The following EIF4G3 variants were observed in gnomAD, a reference collection of about 807,000 sequenced individuals.
The protein encoded by EIF4G3 is eIF-4-gamma 3.
Under a neutral mutation model 186.4 loss-of-function variants are expected in EIF4G3, and 34 were observed. The observed-to-expected ratio is 0.18, with a 90% CI of 0.14 to 0.24. EIF4G3 has a LOEUF of 0.24. Ranked by LOEUF, EIF4G3 falls within the 10% of genes least tolerant of loss-of-function variation. The pLI, the probability that EIF4G3 is intolerant of heterozygous loss-of-function variation, is 1.00. For synonymous variants in EIF4G3, 673 were observed against 679.5 expected (o/e 0.99, Z 0.15); for missense variants, 1,536 against 1,948.5 (o/e 0.79, Z 3.99).
At chr1:20,947,262 TGAGCCTGGGA>T (rs765078612) in intron 13 of EIF4G3, among the ~76,000 whole-genome samples, 27 of 151,920 alleles carry the variant, frequency 1.8e-4, no homozygotes, top group Non-Finnish European at 3.8e-4. Context: ...GAGGACTGCT[TGAGCCTGGGA>T]GGTGGAGGCT....
intron 7 of EIF4G3, among the ~76,000 whole-genome samples, chr1:20,997,299 T>C (rs977841097): frequency 2.0e-5 from 3 of 151,914 alleles, no homozygotes; most frequent in African/African-American, 4.8e-5. Context: ...ATCCACAAAA[T>C]CTATAAACAC....
intron 12 of EIF4G3, among the ~76,000 whole-genome samples, chr1:20,958,757 G>A (rs1320008592): frequency 2.0e-5 from 3 of 151,972 alleles, no homozygotes; most frequent in East Asian, 1.9e-4. Context: ...CACCAACAAC[G>A]ACCAAGCTGA....
intron 6 of EIF4G3, 85 bp from the exon 7 acceptor site, chr1:20,997,718 ATGCC>A: frequency 9.1e-7 from 1 of 1,103,282 alleles, no homozygotes; most frequent in Non-Finnish European, 1.3e-6. Context: ...TTCACACAAT[ATGCC>A]AAAAGAAAAA....
intron 3 of EIF4G3, among the ~76,000 whole-genome samples, chr1:21,053,930 G>A (rs1309963226): frequency 6.6e-6 from 1 of 152,002 alleles, no homozygotes; most frequent in Admixed American, 6.5e-5. Context: ...TGGGAAGTGA[G>A]GAGCCCCTCT....
chr1:21,003,668 C>T (rs1031726302), intron 4 of EIF4G3: 6 of 362,446 alleles, frequency 1.7e-5, no homozygotes, highest in African/African-American at 1.1e-4. Context: ...GATTATTCTG[C>T]CATTTTTTTT....
At chr1:20,955,464 G>A (rs563646769) in intron 12 of EIF4G3, among the ~76,000 whole-genome samples, 20 of 151,966 alleles carry the variant, frequency 1.3e-4, no homozygotes, top group African/African-American at 4.6e-4. Context: ...TGAACTCCTG[G>A]GCTCAAGTAA....
chr1:20,811,310 G>A (rs750498421), intron 35 of EIF4G3, among the ~76,000 whole-genome samples: 2 of 151,942 alleles, frequency 1.3e-5, no homozygotes, highest in East Asian at 1.9e-4. Context: ...ACAGGGTCTC[G>A]CTATATTGCC....
chr1:20,981,778 T>TACATACATATATGTATACAC (rs2078333782), intron 8 of EIF4G3, among the ~76,000 whole-genome samples: 1 of 151,460 alleles, frequency 6.6e-6, no homozygotes, highest in Non-Finnish European at 1.5e-5. Context: ...ACTGTATATA[T>TACATACATATATGTATACAC]ACATACATAT....
intron 14 of EIF4G3, chr1:20,941,097 T>C (rs1300564212): frequency 2.3e-6 from 2 of 887,834 alleles, no homozygotes; most frequent in African/African-American, 3.4e-5. Context: ...ATTGACTGGG[T>C]TTTAAAATTC....
chr1:21,134,115 GA>G (rs2102549619), intron 2 of EIF4G3, among the ~76,000 whole-genome samples: 1 of 152,180 alleles, frequency 6.6e-6, no homozygotes, highest in African/African-American at 2.4e-5. Flanking sequence ...CCCTTTATAA[GA>G]TTAAAATCTT....
At chr1:21,163,829 T>C (rs552359709) in intron 2 of EIF4G3, among the ~76,000 whole-genome samples, 4 of 152,326 alleles carry the variant, frequency 2.6e-5, no homozygotes, top group African/African-American at 7.2e-5. Flanking sequence ...TGGAGTACAG[T>C]GGCGTGATCT....
intron 2 of EIF4G3, among the ~76,000 whole-genome samples, chr1:21,094,963 C>T (rs2101589116): frequency 6.6e-6 from 1 of 152,164 alleles, no homozygotes; most frequent in East Asian, 1.9e-4. Flanking sequence ...GGCAATTCTT[C>T]CTTTGCTCTC....
chr1:20,997,396 T>C (rs1200614888), intron 7 of EIF4G3, among the ~76,000 whole-genome samples: 2 of 152,000 alleles, frequency 1.3e-5, no homozygotes, highest in African/African-American at 4.8e-5. Context: ...AAATGTGCCA[T>C]AAACAGAGGC....
intron 12 of EIF4G3, among the ~76,000 whole-genome samples, chr1:20,960,438 C>G (rs550320095): frequency 6.6e-6 from 1 of 152,030 alleles, no homozygotes; most frequent in Non-Finnish European, 1.5e-5. Context: ...TGAACTCTAG[C>G]CTGGGCAACA....
At chr1:21,123,591 A>G (rs1210821714) in intron 2 of EIF4G3, among the ~76,000 whole-genome samples, 1 of 152,020 alleles carries the variant, frequency 6.6e-6, no homozygotes, top group African/African-American at 2.4e-5. Flanking sequence ...AGAAAAAAAA[A>G]GTATTAATAG....
intron 23 of EIF4G3, among the ~76,000 whole-genome samples, 187 bp downstream of exon 23, chr1:20,862,041 C>A (rs1028671966): frequency 2.0e-5 from 3 of 152,044 alleles, no homozygotes; most frequent in African/African-American, 4.8e-5. Flanking sequence ...AGAAGAAGCA[C>A]GTAACTGGCA....
chr1:21,122,801 T>C (rs578003387), intron 2 of EIF4G3, among the ~76,000 whole-genome samples: 30 of 152,358 alleles, frequency 2.0e-4, no homozygotes, highest in African/African-American at 7.2e-4. Flanking sequence ...TCTGCCAGTT[T>C]GTATTACACA....
intron 7 of EIF4G3, 142 bp downstream of exon 7, chr1:20,997,459 G>A (rs539656049): frequency 3.9e-5 from 33 of 846,166 alleles, no homozygotes; most frequent in Non-Finnish European, 6.3e-5. Context: ...GACAAAGAAA[G>A]CTGAATTATA....
chr1:20,901,327 T>C (rs940530782), intron 15 of EIF4G3, among the ~76,000 whole-genome samples: 4 of 152,162 alleles, frequency 2.6e-5, no homozygotes, highest in Non-Finnish European at 4.4e-5. Flanking sequence ...TACTATAGTC[T>C]AATTATAATA....
Sources: gnomAD v4.1 joint callset for allele counts (sites outside exome capture counted in the v4.1 genomes callset) on GRCh38, gnomAD v4.1.1 for gene constraint, MANE v1.5 for transcripts, NCBI Gene and HGNC (gene_info 2026-07-23, HGNC 2026-07-21) for gene names.